Variants in RANBP2 observed in about 807,000 individuals in gnomAD.
RANBP2 encodes E3 SUMO-protein ligase RanBP2.
A neutral mutation model predicts 303.6 loss-of-function variants in RANBP2; 57 were observed. The observed-to-expected ratio is 0.19, with a 90% CI of 0.15 to 0.23. The LOEUF is 0.23. Ranked by LOEUF, RANBP2 falls within the 10% of genes least tolerant of loss-of-function variation. RANBP2 has a pLI of 1.00. For synonymous variants in RANBP2, 1,167 were observed against 1,301.5 expected (o/e 0.90, Z 2.23); for missense variants, 3,138 against 3,780.8 (o/e 0.83, Z 4.46).
chr2:109,194,885 A>G, the RANBP2 span, among the ~76,000 whole-genome samples: 3 of 152,292 alleles, frequency 2.0e-5, no homozygotes, highest in African/African-American at 7.2e-5. Context: ...TCAGTTTTTA[A>G]AAATGCTACT....
chr2:109,388,340 A>T, the RANBP2 span, among the ~76,000 whole-genome samples: 1 of 152,166 alleles, frequency 6.6e-6, no homozygotes, highest in African/African-American at 2.4e-5. Context: ...CATGGAACAC[A>T]TCCTAAAGAA....
the RANBP2 span, among the ~76,000 whole-genome samples, chr2:108,806,814 A>C: frequency 6.6e-6 from 1 of 152,216 alleles, no homozygotes; most frequent in Non-Finnish European, 1.5e-5. Flanking sequence ...CTAATAATTT[A>C]AAAGCATTTC....
chr2:108,974,419 T>C, the RANBP2 span, among the ~76,000 whole-genome samples: 1 of 149,532 alleles, frequency 6.7e-6, no homozygotes, highest in South Asian at 2.1e-4. Flanking sequence ...ATGAACATTA[T>C]CTTAATGATT....
chr2:109,198,181 C>T, the RANBP2 span, among the ~76,000 whole-genome samples: 1 of 152,188 alleles, frequency 6.6e-6, no homozygotes, highest in South Asian at 2.1e-4. Flanking sequence ...CAGCAGGGAC[C>T]TTCTGGAACC....
At chr2:108,813,535 G>A in the RANBP2 span, among the ~76,000 whole-genome samples, 20 of 152,194 alleles carry the variant, frequency 1.3e-4, no homozygotes, top group African/African-American at 4.3e-4. Flanking sequence ...CACTCCACAA[G>A]CATTTGCTAT....
At chr2:109,613,526 G>C in the RANBP2 span, 2 of 240,960 alleles carry the variant, frequency 8.3e-6, no homozygotes, top group East Asian at 1.9e-4. Flanking sequence ...TTTTGGCAAA[G>C]ACCGGGAAGT....
At chr2:109,124,039 C>A in the RANBP2 span, among the ~76,000 whole-genome samples, 9 of 151,904 alleles carry the variant, frequency 5.9e-5, no homozygotes, top group Non-Finnish European at 1.3e-4. Context: ...TTGACACAGT[C>A]TAGCTCTGTC....
the RANBP2 span, among the ~76,000 whole-genome samples, chr2:109,338,279 C>T: frequency 1.1e-4 from 16 of 152,084 alleles, no homozygotes; most frequent in Non-Finnish European, 1.3e-4. Flanking sequence ...TTTGCAGGTA[C>T]GGAAACTGAG....
chr2:109,102,592 CAT>C, the RANBP2 span, among the ~76,000 whole-genome samples: 1 of 152,248 alleles, frequency 6.6e-6, no homozygotes, highest in African/African-American at 2.4e-5. Flanking sequence ...TCTCCCTTGA[CAT>C]AACTCTTCGG....
chr2:109,448,128 G>A, the RANBP2 span, among the ~76,000 whole-genome samples: 11 of 152,202 alleles, frequency 7.2e-5, no homozygotes, highest in Admixed American at 5.9e-4. Flanking sequence ...AGGCCAGTTC[G>A]GGATCAAGAG....
chr2:109,005,795 C>T, the RANBP2 span, among the ~76,000 whole-genome samples: 2 of 152,190 alleles, frequency 1.3e-5, no homozygotes, highest in Admixed American at 6.5e-5. Flanking sequence ...GGCTTTTGGC[C>T]GTTATCCCTG....
the RANBP2 span, among the ~76,000 whole-genome samples, chr2:109,564,864 C>T: frequency 1.3e-5 from 2 of 152,308 alleles, no homozygotes; most frequent in Middle Eastern, 3.4e-3. Flanking sequence ...TAGCAGTTTA[C>T]AAACTATCCT....
the RANBP2 span, among the ~76,000 whole-genome samples, chr2:109,362,713 C>T: frequency 2.6e-5 from 4 of 152,246 alleles, no homozygotes; most frequent in African/African-American, 9.6e-5. Flanking sequence ...TCTACTTCTC[C>T]TTCTGTCAGT....
chr2:108,832,344 C>CTT, the RANBP2 span, among the ~76,000 whole-genome samples: 81 of 122,212 alleles, frequency 6.6e-4, no homozygotes, highest in Non-Finnish European at 1.1e-3. Context: ...GTATTTCTTT[C>CTT]TTTTTTTTTT....
At chr2:108,937,495 A>ATGTG in the RANBP2 span, among the ~76,000 whole-genome samples, 2,221 of 152,088 alleles carry the variant, frequency 0.015, 25 homozygotes, top group South Asian at 0.03. Context: ...GAGTATGTGT[A>ATGTG]TGTGTATGAA....
At chr2:109,581,863 T>C in the RANBP2 span, among the ~76,000 whole-genome samples, 1 of 152,018 alleles carries the variant, frequency 6.6e-6, no homozygotes, top group South Asian at 2.1e-4. Context: ...GGCATCCAAA[T>C]AGGAAAAGAA....
the RANBP2 span, among the ~76,000 whole-genome samples, chr2:108,909,051 A>T: frequency 6.6e-6 from 1 of 152,200 alleles, no homozygotes; most frequent in Non-Finnish European, 1.5e-5. Context: ...AACAGCAGGG[A>T]CAAAAGCTCA....
chr2:108,965,451 C>A, the RANBP2 span, among the ~76,000 whole-genome samples: 127 of 122,158 alleles, frequency 1.0e-3, 1 homozygote, highest in Non-Finnish European at 1.9e-3. Context: ...GGAGACAGAG[C>A]GAGATTTCGT....
chr2:108,915,327 G>C, the RANBP2 span, among the ~76,000 whole-genome samples: 1 of 152,232 alleles, frequency 6.6e-6, no homozygotes. Flanking sequence ...TCTAAATGGA[G>C]CAGGGCCACA....
Sources: allele counts gnomAD v4.1 joint callset (sites outside exome capture counted in the v4.1 genomes callset), GRCh38; gene constraint gnomAD v4.1.1; transcripts MANE v1.5; gene names NCBI Gene and HGNC (gene_info 2026-07-23, HGNC 2026-07-21).